Variants in UBE2N observed in about 807,000 individuals in gnomAD.
The protein encoded by UBE2N is ubiquitin-conjugating enzyme E2 N.
For missense variants in UBE2N, 60 were observed against 192.1 expected, an observed-to-expected ratio of 0.31 and a Z score of 4.07; for synonymous variants, 70 against 69.2, an observed-to-expected ratio of 1.01 and a Z score of -0.06.
At chr12:93,431,018 G>A (rs1878752534) in intron 1 of UBE2N, among the ~76,000 whole-genome samples, 1 of 151,056 alleles carries the variant, frequency 6.6e-6, no homozygotes. Context: ...CACAAGGTCA[G>A]GAGTTCGAGA....
chr12:93,411,093 A>G lies in UBE2N; in HGVS notation c.237T>C (p.Asn79=). Residue 79 remains asparagine (N), a synonymous_variant, in exon 2 of 4, where the codon AAT becomes AAC. Transcript: ENST00000318066. ...AACATATTCTTCCCAACTTGTCTAC[A>G]TTAGGATGATAAATTTTGGTCATGA... ...VRFMTKIYHP[N]VDKLGRICLD... The G allele has an allele frequency of 6.2e-7, 1 of 1,614,212 alleles. No individual in the cohort carries two copies. Among genetic ancestry groups the G allele is most frequent in the Non-Finnish European group, 8.5e-7 (1 of 1,180,026 alleles).
Position 93,408,344 on chromosome 12 carries a change from C to G in UBE2N, c.*1695G>C, listed in dbSNP as rs1037984345. On this transcript the variant is annotated 3_prime_UTR_variant, in exon 4 of 4. Coordinates refer to ENST00000318066, the MANE Select transcript of UBE2N (RefSeq NM_003348.4). ...GCAATGCATTTATTTGGAAGGATACCAGTTACCAGTCATCAAAAGCTTTTG... is the reference window on the plus strand; with the variant it reads ...GCAATGCATTTATTTGGAAGGATACGAGTTACCAGTCATCAAAAGCTTTTG... The G allele has an allele frequency of 8.5e-5, 13 of 152,172 alleles. No homozygotes were observed. Among genetic ancestry groups the G allele is most frequent in the African/African-American group, 3.1e-4 (13 of 41,440 alleles). The allele number at this position is 152,172 out of a possible 1,614,324, so 9.4% of individuals were successfully genotyped here.
In UBE2N at chr12:93,409,696, T is replaced by A. The variant is rs993552151; in HGVS notation, c.*343A>T. The A allele has an allele frequency of 3.6e-5, 7 of 194,530 alleles. No homozygotes were observed. The highest frequency in any genetic ancestry group is 3.1e-4 in the Admixed American group (5 of 16,100). The allele number at this position is 194,530 out of a possible 1,614,324, so 12.1% of individuals were successfully genotyped here. A position where few individuals can be genotyped will look rare whatever the true frequency, so the allele number is the denominator to read the frequency against. ...AAAAATAAAATAAAATAAAATAAAA[T>A]AAAAACACCCACACCCCTGCAGCTA... On this transcript the variant is annotated 3_prime_UTR_variant, in exon 4 of 4. Transcript: ENST00000318066.
chr12:93,436,290 G>A (rs1436359803), intron 1 of UBE2N, among the ~76,000 whole-genome samples: 2 of 152,124 alleles, frequency 1.3e-5, no homozygotes, highest in Non-Finnish European at 2.9e-5. Flanking sequence ...TTTTTGTAGA[G>A]ACAAGGTCTC....
chr12:93,410,344 C>A (rs775319073), intron 3 of UBE2N: 94 of 492,266 alleles, frequency 1.9e-4, no homozygotes, highest in Non-Finnish European at 2.8e-4. Flanking sequence ...ATTCTCCCCA[C>A]TAATTTTCTT....
intron 1 of UBE2N, among the ~76,000 whole-genome samples, chr12:93,430,884 C>T (rs191084692): frequency 6.6e-6 from 1 of 150,460 alleles, no homozygotes; most frequent in East Asian, 1.9e-4. Flanking sequence ...GATGCTGAGG[C>T]TGCAGTGAGC....
At chr12:93,435,821 G>T (rs1313669099) in intron 1 of UBE2N, among the ~76,000 whole-genome samples, 1 of 152,138 alleles carries the variant, frequency 6.6e-6, no homozygotes, top group South Asian at 2.1e-4. Context: ...AGAATTTGAG[G>T]CTAAATCACA....
chr12:93,414,313 G>GTTT (rs1878129614), intron 1 of UBE2N, among the ~76,000 whole-genome samples: 1 of 152,034 alleles, frequency 6.6e-6, no homozygotes, highest in African/African-American at 2.4e-5. Flanking sequence ...GCTAGGCATG[G>GTTT]TGGCGCATGC....
At position 93,411,223 on chromosome 12, in the gene UBE2N, T is replaced by A. The variant is rs1878022009; in HGVS notation, c.107A>T (p.His36Leu). 6.2e-7 allele frequency: 1 copy of A among 1,614,174 alleles called. No homozygotes were observed. Among genetic ancestry groups the A allele is most frequent in the Non-Finnish European group, 8.5e-7 (1 of 1,180,008 alleles). ...EPDESNARYF[H>L]VVIAGPQDSP... is the part of the protein sequence containing the mutation. Reference sequence around the variant, plus strand: ...ATCCTGAGGGCCAGCAATGACCACATGAAAATAACGGGCGTTGCTCTCATC... The same window carrying A: ...ATCCTGAGGGCCAGCAATGACCACAAGAAAATAACGGGCGTTGCTCTCATC... The change falls in exon 2 of 4, where the codon CAT (histidine) becomes CTT (leucine). Residue 36 changes from histidine (H) to leucine (L), a missense_variant. Physicochemically the swap from His to Leu is moderately conservative, Grantham distance 99 (BLOSUM62 -3). Coordinates refer to ENST00000318066, the MANE Select transcript of UBE2N (RefSeq NM_003348.4).
chr12:93,427,828 T>TA (rs1304707092), intron 1 of UBE2N, among the ~76,000 whole-genome samples: 2 of 152,224 alleles, frequency 1.3e-5, no homozygotes, highest in East Asian at 3.8e-4. Flanking sequence ...ACCGATGAAT[T>TA]AGAGATTGGA....
chr12:93,420,582 AG>A, intron 1 of UBE2N, among the ~76,000 whole-genome samples: 1 of 152,344 alleles, frequency 6.6e-6, no homozygotes. Flanking sequence ...AACCCCAGCT[AG>A]TAAATGGTGG....
At chr12:93,422,599 G>C (rs184015262) in intron 1 of UBE2N, among the ~76,000 whole-genome samples, 81 of 152,154 alleles carry the variant, frequency 5.3e-4, no homozygotes, top group African/African-American at 1.6e-3. Flanking sequence ...TAAAATTAGG[G>C]AAATTTTTTA....
intron 1 of UBE2N, among the ~76,000 whole-genome samples, chr12:93,425,776 A>G (rs1052484332): frequency 1.3e-5 from 2 of 152,244 alleles, no homozygotes; most frequent in African/African-American, 4.8e-5. Flanking sequence ...CAAAAGCCTT[A>G]GCTTTGACAC....
At chr12:93,412,560 G>C (rs932471878) in intron 1 of UBE2N, among the ~76,000 whole-genome samples, 1 of 152,178 alleles carries the variant, frequency 6.6e-6, no homozygotes, top group African/African-American at 2.4e-5. Flanking sequence ...GGGTACACTC[G>C]CCAGGAGTTT....
chr12:93,409,974 C>A lies in UBE2N; in HGVS notation c.*65G>T. Reference sequence around the variant, plus strand: ...TTTCTAAGACTGTGTCCATTAAATGCAAACAAAGAGGAGGAAGTCTTGGCA... The same window carrying A: ...TTTCTAAGACTGTGTCCATTAAATGAAAACAAAGAGGAGGAAGTCTTGGCA... On this transcript the variant is annotated 3_prime_UTR_variant, in exon 4 of 4. Coordinates refer to ENST00000318066, the MANE Select transcript of UBE2N (RefSeq NM_003348.4). 1 of 1,523,386 alleles carries A rather than the reference C, an allele frequency of 6.6e-7. No individual in the cohort carries two copies. The highest frequency in any genetic ancestry group is 1.1e-5 in the South Asian group (1 of 87,856). 94.4% of individuals were successfully genotyped at this position (1,523,386 alleles called of 1,614,324 possible). A position where few individuals can be genotyped will look rare whatever the true frequency, so the allele number is the denominator to read the frequency against.
rs181862952 is a variant in UBE2N, at chr12:93,413,663, A to G, written c.31-2364T>C. On this transcript the variant is annotated intron_variant, in intron 1 of 3. Transcript: ENST00000318066. ...ACCTTTTCCTTCATATGCCACACAC[A>G]TCTAGCCTGATTGGCAAATTGGTTT... is the stretch of plus-strand genomic sequence containing the variant. 3.9e-5 allele frequency among the ~76,000 whole-genome samples: 6 copies of G among 152,254 alleles called. No homozygotes were observed. The East Asian group carries it at 7.7e-4, about 20-fold the overall frequency.
At chr12:93,431,002 G>A (rs56201240) in intron 1 of UBE2N, among the ~76,000 whole-genome samples, 2,883 of 151,454 alleles carry the variant, frequency 0.019, 80 homozygotes, top group African/African-American at 0.062. Context: ...GCCAAGGCGG[G>A]CGAATCACAA....
chr12:93,423,969 G>C (rs1035544317), intron 1 of UBE2N, among the ~76,000 whole-genome samples: 2 of 152,022 alleles, frequency 1.3e-5, no homozygotes, highest in African/African-American at 4.8e-5. Context: ...TTTTTCACTT[G>C]CTCATTAAAG....
chr12:93,412,409 G>A (rs1025534497), intron 1 of UBE2N, among the ~76,000 whole-genome samples: 11 of 152,160 alleles, frequency 7.2e-5, no homozygotes, highest in African/African-American at 1.7e-4. Context: ...GAAATGTCAC[G>A]TACTCTTGGC....
Sources: gnomAD v4.1 joint callset for allele counts (sites outside exome capture counted in the v4.1 genomes callset) on GRCh38, gnomAD v4.1.1 for gene constraint, MANE v1.5 for transcripts, NCBI Gene and HGNC (gene_info 2026-07-23, HGNC 2026-07-21) for gene names.